The following SORCS1 variants were observed in gnomAD, a reference collection of about 807,000 sequenced individuals.
SORCS1 encodes the protein sortilin related VPS10 domain containing receptor 1, also known as VPS10 domain-containing receptor SorCS1.
A neutral mutation model predicts 146.1 loss-of-function variants in SORCS1; 60 were observed. That is an observed-to-expected ratio of 0.41 (90% CI 0.33 to 0.51). The LOEUF (loss-of-function observed/expected upper bound fraction) is 0.51. Ranked by LOEUF, SORCS1 falls within the 20% of genes least tolerant of loss-of-function variation. The pLI, the probability that SORCS1 is intolerant of heterozygous loss-of-function variation, is 0.21. For synonymous variants in SORCS1, 637 were observed against 584.0 expected (o/e 1.09, Z -1.31); for missense variants, 1,352 against 1,487.6 (o/e 0.91, Z 1.50).
chr10:106,681,082 G>A (rs1309823818), intron 10 of SORCS1, among the ~76,000 whole-genome samples: 2 of 152,156 alleles, frequency 1.3e-5, no homozygotes, highest in African/African-American at 4.8e-5. Context: ...ACTTTATAAT[G>A]TTCTATAGGA....
At chr10:106,667,319 G>A (rs867785745) in intron 17 of SORCS1, 4 of 181,826 alleles carry the variant, frequency 2.2e-5, no homozygotes, top group African/African-American at 9.4e-5. Flanking sequence ...CTATAAAACA[G>A]AAAATGCAAA....
rs369293578 is a variant in SORCS1, at chr10:106,831,724, T to C, written c.627-2051A>G. 2.0e-5 allele frequency among the ~76,000 whole-genome samples: 3 copies of C among 151,056 alleles called. No individual in the cohort carries two copies. In the East Asian group the frequency reaches 5.8e-4, roughly 29 times the overall value. On this transcript the variant is annotated intron_variant, in intron 2 of 25. Coordinates refer to ENST00000263054, the MANE Select transcript of SORCS1 (RefSeq NM_052918.5). The stretch of plus-strand genomic sequence containing the variant: ...ATTCTGGCTGGAAATTCAAGATATT[T>C]CTTCCTAAAATTTATACATAGATGG...
chr10:107,013,071 C>T (rs1957753010), intron 1 of SORCS1, among the ~76,000 whole-genome samples: 1 of 152,166 alleles, frequency 6.6e-6, no homozygotes, highest in Non-Finnish European at 1.5e-5. Context: ...CATTCAATTC[C>T]ATATCCCTAG....
At chr10:107,108,511 T>A (rs1263320103) in intron 1 of SORCS1, among the ~76,000 whole-genome samples, 1 of 152,136 alleles carries the variant, frequency 6.6e-6, no homozygotes, top group Non-Finnish European at 1.5e-5. Flanking sequence ...CCCACTACCA[T>A]GAAGACAGCA....
chr10:106,583,099 TTAGTC>T (rs1442569353), intron 24 of SORCS1, among the ~76,000 whole-genome samples: 5 of 152,198 alleles, frequency 3.3e-5, no homozygotes, highest in Non-Finnish European at 5.9e-5. Context: ...AAACTAGTGT[TTAGTC>T]TAGAAATTTG....
chr10:107,178,077 G>C, the SORCS1 span, among the ~76,000 whole-genome samples: 21 of 152,252 alleles, frequency 1.4e-4, no homozygotes, highest in African/African-American at 4.8e-4. Flanking sequence ...GTGATGGGAT[G>C]ATCTCTGCAG....
chr10:107,164,406 G>A lies in SORCS1; in HGVS notation c.121C>T (p.Pro41Ser). 1.4e-6 allele frequency: 2 copies of A among 1,424,234 alleles called. No individual in the cohort carries two copies. Among genetic ancestry groups the A allele is most frequent in the African/African-American group, 1.5e-5 (1 of 68,640 alleles). The allele number at this position is 1,424,234 out of a possible 1,614,324, so 88.2% of individuals were successfully genotyped here. The change falls in exon 1 of 26, where the codon CCG becomes TCG. Residue 41 changes from proline to serine, a missense_variant. By Grantham distance (74) the Pro-to-Ser change is moderately conservative. This residue lies in a region of SORCS1 where 490 missense variants were observed against 489.1 expected (regional missense o/e 1.00). Transcript: ENST00000263054. This position sits in a 1 kb window ranked among gnomAD's most constrained non-coding sequence, Gnocchi z 6.8. Reference protein sequence around the residue: ...VCGGGSCCPSPHPSSAPRSAS... With the variant: ...VCGGGSCCPSSHPSSAPRSAS... The stretch of plus-strand genomic sequence containing the variant: ...GAGCGTGGAGCGGAGCTGGGGTGCG[G>A]CGAGGGGCAGCAGGAGCCGCCGCCG...
At chr10:106,944,253 C>T (rs958882533) in intron 2 of SORCS1, among the ~76,000 whole-genome samples, 1 of 152,164 alleles carries the variant, frequency 6.6e-6, no homozygotes, top group Admixed American at 6.5e-5. Flanking sequence ...GCATTAGTTC[C>T]TCTGGGATAA....
chr10:106,589,252 G>T (rs1845446863), intron 24 of SORCS1, among the ~76,000 whole-genome samples: 1 of 152,074 alleles, frequency 6.6e-6, no homozygotes, highest in African/African-American at 2.4e-5. Flanking sequence ...TTAGGCTTTT[G>T]CCTTCTCAAA....
intron 2 of SORCS1, among the ~76,000 whole-genome samples, chr10:106,945,173 C>G (rs1954268006): frequency 6.6e-6 from 1 of 151,888 alleles, no homozygotes; most frequent in Non-Finnish European, 1.5e-5. Context: ...CAGGTGTGAG[C>G]CACCATGTCC....
rs368358829 is a variant in SORCS1 at position 106,620,407 on chromosome 10, G to T, written c.2796+21C>A. 2.2e-5 allele frequency: 35 copies of T among 1,604,090 alleles called. No homozygotes were observed. In the African/African-American group the frequency reaches 4.4e-4, roughly 20 times the overall value. ...TGAATTGAGCTTCTGTCCCTAGATC[G>T]CATGTGGAAGGTGAACCCACCTCCG... On this transcript the variant is annotated intron_variant, in intron 20 of 25. Transcript: ENST00000263054.
chr10:106,632,376 G>A (rs1271776601), intron 18 of SORCS1, among the ~76,000 whole-genome samples: 1 of 152,194 alleles, frequency 6.6e-6, no homozygotes, highest in Non-Finnish European at 1.5e-5. Flanking sequence ...TAAGGCTACG[G>A]CCACTGTAAC....
chr10:106,650,875 T>C (rs1306336053), intron 18 of SORCS1, among the ~76,000 whole-genome samples: 1 of 151,586 alleles, frequency 6.6e-6, no homozygotes, highest in Non-Finnish European at 1.5e-5. Flanking sequence ...TCTTCATTTT[T>C]CTTCTTCTTC....
At chr10:106,723,146 C>A (rs553175297) in intron 6 of SORCS1, among the ~76,000 whole-genome samples, 13 of 152,162 alleles carry the variant, frequency 8.5e-5, no homozygotes, top group African/African-American at 2.7e-4. Context: ...CATGGTGAGA[C>A]CTTATCTCTA....
At chr10:106,762,793 G>A (rs911920865) in intron 4 of SORCS1, among the ~76,000 whole-genome samples, 2 of 152,078 alleles carry the variant, frequency 1.3e-5, no homozygotes, top group Non-Finnish European at 2.9e-5. Context: ...AGAGATGGGT[G>A]ACAACTCCCC....
chr10:106,813,610 A>G (rs1290724669), intron 3 of SORCS1, among the ~76,000 whole-genome samples: 1 of 152,156 alleles, frequency 6.6e-6, no homozygotes, highest in East Asian at 1.9e-4. Context: ...TTGAAAATCT[A>G]TCTTGATTAT....
intron 1 of SORCS1, among the ~76,000 whole-genome samples, chr10:107,061,399 G>C (rs926185647): frequency 6.6e-6 from 1 of 152,106 alleles, no homozygotes; most frequent in Non-Finnish European, 1.5e-5. Context: ...TCTAGTAATA[G>C]TTTAAAAATT....
intron 3 of SORCS1, among the ~76,000 whole-genome samples, chr10:106,804,338 G>GAAAATAAAATAAAATAAAAT (rs374338257): frequency 4.6e-4 from 64 of 138,342 alleles, no homozygotes; most frequent in African/African-American, 8.4e-4. Flanking sequence ...TTTCCGAAGA[G>GAAAATAAAATAAAATAAAAT]AAAATAAAAT....
intron 3 of SORCS1, among the ~76,000 whole-genome samples, chr10:106,797,797 A>G (rs1171873218): frequency 5.9e-5 from 9 of 152,194 alleles, no homozygotes; most frequent in Non-Finnish European, 1.3e-4. Flanking sequence ...CTGATTGTGC[A>G]GTCCAGGTAC....
Sources: allele counts gnomAD v4.1 joint callset (sites outside exome capture counted in the v4.1 genomes callset), GRCh38; gene constraint gnomAD v4.1.1; regional missense constraint gnomAD v4.1.1; non-coding constraint Gnocchi (gnomAD v3.1); transcripts MANE v1.5; gene names NCBI Gene and HGNC (gene_info 2026-07-23, HGNC 2026-07-21).